BIN2: variants seen among roughly 807,000 people sequenced by gnomAD.
BIN2 encodes the protein breast cancer associated protein BRAP1.
In BIN2, 43 loss-of-function variants were observed where a neutral mutation model predicts 67.9. That is an observed-to-expected ratio of 0.63 (90% CI 0.50 to 0.82). The LOEUF is 0.82. Among genes scored for constraint, BIN2 ranks in the 40% least tolerant of loss-of-function variants. The pLI is 0.00. For missense variants in BIN2, 581 were observed against 671.6 expected (o/e 0.87, Z 1.49); for synonymous variants, 244 against 246.8 (o/e 0.99, Z 0.11).
At chr12:51,320,859 G>A (rs757140517) in intron 1 of BIN2, among the ~76,000 whole-genome samples, 1 of 151,168 alleles carries the variant, frequency 6.6e-6, no homozygotes, top group Non-Finnish European at 1.5e-5. Context: ...GGATCTGAGA[G>A]GTTTGCCACA....
chr12:51,284,676 A>T (rs1945192948), intron 12 of BIN2, 40 bp downstream of exon 12: 2 of 1,494,608 alleles, frequency 1.3e-6, no homozygotes, highest in South Asian at 2.3e-5. Flanking sequence ...AACCCCTGTC[A>T]ATCTAATGCC....
At chr12:51,284,947 G>C (rs1945201000) in intron 11 of BIN2, among the ~76,000 whole-genome samples, 160 bp from the exon 12 acceptor site, 1 of 152,102 alleles carries the variant, frequency 6.6e-6, no homozygotes, top group African/African-American at 2.4e-5. Flanking sequence ...GAAGGCATCG[G>C]GAAAGGCTTT....
Position 51,324,123 on chromosome 12 carries a change from C to G in BIN2, c.-21G>C. On this transcript the variant is annotated 5_prime_UTR_variant, in exon 1 of 13. Coordinates refer to ENST00000615107, the MANE Select transcript of BIN2 (RefSeq NM_016293.4). ...GCCATCCTGCCAACTCCCTGGGGGC[C>G]GCCGCCCTGGCCCCGCGCCCTGTGG... 6.2e-7 allele frequency: 1 copy of G among 1,611,458 alleles called. No individual in the cohort carries two copies. The highest frequency in any genetic ancestry group is 8.5e-7 in the Non-Finnish European group (1 of 1,178,850).
intron 1 of BIN2, among the ~76,000 whole-genome samples, chr12:51,318,402 C>T (rs1946186302): frequency 6.6e-6 from 1 of 152,122 alleles, no homozygotes; most frequent in Non-Finnish European, 1.5e-5. Flanking sequence ...GCTGGGATTA[C>T]AGGTGCCCAC....
chr12:51,282,689 G>A (rs4761985), intron 12 of BIN2, among the ~76,000 whole-genome samples: 123,683 of 151,992 alleles, frequency 0.81, 51,575 homozygotes, highest in South Asian at 0.93. Context: ...TCTTTGTCCC[G>A]GGTTCAAGTG....
intron 11 of BIN2, among the ~76,000 whole-genome samples, 166 bp from the exon 12 acceptor site, chr12:51,284,953 G>A (rs1304014022): frequency 6.6e-6 from 1 of 152,174 alleles, no homozygotes; most frequent in African/African-American, 2.4e-5. Flanking sequence ...ATCGGGAAAG[G>A]CTTTCATCCA....
chr12:51,302,026 T>A lies in BIN2; in HGVS notation c.402A>T (p.Glu134Asp). The A allele has an allele frequency of 6.2e-7, 1 of 1,611,304 alleles. No homozygotes were observed. The highest frequency in any genetic ancestry group is 2.2e-5 in the East Asian group (1 of 44,866). ...TMEIYVAQFS[E>D]IKERIAKRGR... Reference sequence around the variant, plus strand: ...GATTCTGTACATTGAGTACCTTAATTTCACTGAACTGGGCAACATAGATTT... The same window carrying A: ...GATTCTGTACATTGAGTACCTTAATATCACTGAACTGGGCAACATAGATTT... The change falls in exon 5 of 13, where the codon GAA becomes GAT. Residue 134 changes from glutamate (E) to aspartate (D), a missense_variant. By Grantham distance (45) the Glu-to-Asp change is conservative. Transcript: ENST00000615107.
rs546417472 is a variant in BIN2 at position 51,295,234 on chromosome 12, C to A, written c.761+562G>T. On this transcript the variant is annotated intron_variant, in intron 9 of 12. Transcript: ENST00000615107. ...TACTGGGATTATAGGCATGAGCCAC[C>A]ATTGTCTGGCCTTGAAATATTCAGT... 1.3e-3 allele frequency among the ~76,000 whole-genome samples: 172 copies of A among 127,492 alleles called. 3 individuals are homozygous for A. In the East Asian group the frequency reaches 0.024, roughly 18 times the overall value. The allele number at this position is 127,492 out of a possible 152,430, so 83.6% of individuals were successfully genotyped here. A position where few individuals can be genotyped will look rare whatever the true frequency, so the allele number is the denominator to read the frequency against.
Position 51,291,607 on chromosome 12 carries a change from G to C in BIN2, c.1499C>G (p.Thr500Ser). 6.2e-7 allele frequency: 1 copy of C among 1,606,578 alleles called. No homozygotes were observed. The highest frequency in any genetic ancestry group is 8.5e-7 in the Non-Finnish European group (1 of 1,177,692). Residue 500 changes from threonine (T) to serine (S), a missense_variant, in exon 10 of 13, where the codon ACC becomes AGC. Transcript: ENST00000615107. ...QNPEELCTSPTLMTSQVASEP... is the reference protein window; with the variant it reads ...QNPEELCTSPSLMTSQVASEP... Reference sequence around the variant, plus strand: ...TACTCTTACCTGAGATGTCATTAAGGTGGGGGAAGTACAAAGTTCTTCAGG... The same window carrying C: ...TACTCTTACCTGAGATGTCATTAAGCTGGGGGAAGTACAAAGTTCTTCAGG...
At chr12:51,295,655 T>C (rs569528682) in intron 9 of BIN2, 141 bp downstream of exon 9, 1 of 315,094 alleles carries the variant, frequency 3.2e-6, no homozygotes, top group African/African-American at 2.3e-5. Context: ...AAATAATTTA[T>C]ATAGGAGCAT....
intron 5 of BIN2, among the ~76,000 whole-genome samples, chr12:51,301,200 A>C (rs988513995): frequency 5.3e-5 from 8 of 152,170 alleles, no homozygotes; most frequent in Non-Finnish European, 8.8e-5. Context: ...CCTGGGCAAC[A>C]GAGCAAGACT....
chr12:51,299,091 GGGC>G lies in BIN2; in HGVS notation c.602+109_602+111del. On this transcript the variant is annotated intron_variant, in intron 7 of 12. Transcript: ENST00000615107. ...CCCTGTCTCGAAAAAAAAAAAAAGG[GGGC>G]GGGGCAGTGTGGGAATTTAAATCTA... The G allele has an allele frequency of 2.0e-5, 14 of 684,236 alleles. No individual in the cohort carries two copies. In the South Asian group the frequency reaches 2.3e-4, roughly 11 times the overall value. 42.4% of individuals were successfully genotyped at this position (684,236 alleles called of 1,614,324 possible). A position where few individuals can be genotyped will look rare whatever the true frequency, so the allele number is the denominator to read the frequency against.
chr12:51,312,438 C>T (rs1020133097), intron 2 of BIN2, among the ~76,000 whole-genome samples: 1 of 152,176 alleles, frequency 6.6e-6, no homozygotes, highest in Admixed American at 6.6e-5. Flanking sequence ...TCCCTGAATA[C>T]CTCATAGTTT....
intron 4 of BIN2, chr12:51,302,483 G>C: frequency 3.5e-6 from 2 of 572,244 alleles, no homozygotes; most frequent in Non-Finnish European, 6.2e-6. Context: ...GTCAAAATTA[G>C]AGGGATCCAC....
chr12:51,305,616 T>A (rs1592271248), intron 2 of BIN2, among the ~76,000 whole-genome samples: 3 of 136,574 alleles, frequency 2.2e-5, no homozygotes, highest in African/African-American at 8.3e-5. Context: ...AGAATGAAAC[T>A]CCATCTCAAA....
At chr12:51,293,734 T>C (rs1479345908) in intron 9 of BIN2, among the ~76,000 whole-genome samples, 2 of 152,160 alleles carry the variant, frequency 1.3e-5, no homozygotes, top group African/African-American at 4.8e-5. Context: ...GAAAAGATGC[T>C]CAAGGAAACT....
chr12:51,324,332 C>A, upstream of BIN2: 2 of 1,331,764 alleles, frequency 1.5e-6, no homozygotes, highest in Non-Finnish European at 2.0e-6. Flanking sequence ...AGCGCTCGCT[C>A]GAGGCCAGCT....
intron 12 of BIN2, 74 bp from the exon 13 acceptor site, chr12:51,281,602 G>T (rs1945121685): frequency 6.7e-7 from 1 of 1,492,212 alleles, no homozygotes; most frequent in African/African-American, 1.4e-5. Flanking sequence ...GTTAAACTCA[G>T]TTTGCTTCTA....
At chr12:51,288,276 C>T in intron 10 of BIN2, 88 bp from the exon 11 acceptor site, 3 of 1,077,732 alleles carry the variant, frequency 2.8e-6, no homozygotes, top group Non-Finnish European at 4.2e-6. Flanking sequence ...ATTAGCTCCT[C>T]TCAGATATCA....
Sources: gnomAD v4.1 joint callset for allele counts (sites outside exome capture counted in the v4.1 genomes callset) on GRCh38, gnomAD v4.1.1 for gene constraint, MANE v1.5 for transcripts, NCBI Gene and HGNC (gene_info 2026-07-23, HGNC 2026-07-21) for gene names.